Variants in CTNNA2 observed in about 807,000 individuals in gnomAD.
The protein encoded by CTNNA2 is catenin alpha 2.
Under a neutral mutation model 101.0 loss-of-function variants are expected in CTNNA2, and 42 were observed. The ratio of observed to expected loss-of-function variants is 0.42; its 90% CI spans 0.32 to 0.54. The LOEUF is 0.54. CTNNA2 is among the 20% of genes least tolerant of loss of function. The pLI, the probability that CTNNA2 is intolerant of heterozygous loss-of-function variation, is 0.14. For missense variants in CTNNA2, 871 were observed against 1,223.1 expected (o/e 0.71, Z 4.29); for synonymous variants, 450 against 456.4 (o/e 0.99, Z 0.18).
At chr2:79,490,230 G>A (rs11688509) in intron 4 of CTNNA2, among the ~76,000 whole-genome samples, 5,579 of 152,198 alleles carry the variant, frequency 0.037, 143 homozygotes, top group Non-Finnish European at 0.054. Flanking sequence ...CAGAATATAA[G>A]CTTGCATAAA....
At chr2:80,533,338 A>C (rs775776270) in intron 9 of CTNNA2, among the ~76,000 whole-genome samples, 12 of 152,170 alleles carry the variant, frequency 7.9e-5, no homozygotes, top group Non-Finnish European at 1.0e-4. Context: ...CTCCGCAAAA[A>C]AAAGAAGGCA....
At chr2:79,810,496 G>A (rs1037869054) in intron 3 of CTNNA2, among the ~76,000 whole-genome samples, 3 of 151,178 alleles carry the variant, frequency 2.0e-5, no homozygotes, top group African/African-American at 7.3e-5. Flanking sequence ...TTTTGCCATT[G>A]AATTGCCTTT....
At chr2:80,032,534 C>G (rs749468255) in intron 7 of CTNNA2, among the ~76,000 whole-genome samples, 3 of 152,128 alleles carry the variant, frequency 2.0e-5, no homozygotes, top group Non-Finnish European at 4.4e-5. Context: ...AACACACACA[C>G]ACACTCAAAA....
intron 9 of CTNNA2, among the ~76,000 whole-genome samples, chr2:80,442,635 C>T (rs977959933): frequency 1.3e-5 from 2 of 152,120 alleles, no homozygotes; most frequent in Non-Finnish European, 1.5e-5. Flanking sequence ...ATTAATATAC[C>T]GTCTCTGTCT....
chr2:79,549,426 T>G (rs1673949504), intron 1 of CTNNA2, among the ~76,000 whole-genome samples: 1 of 152,184 alleles, frequency 6.6e-6, no homozygotes, highest in African/African-American at 2.4e-5. Flanking sequence ...AAATGTGATG[T>G]TTTGCAGAAC....
intron 7 of CTNNA2, among the ~76,000 whole-genome samples, chr2:80,077,657 A>G (rs1380497776): frequency 1.3e-5 from 2 of 152,014 alleles, no homozygotes; most frequent in African/African-American, 4.8e-5. Flanking sequence ...AAACAGATGA[A>G]GCTCAACATT....
At chr2:79,582,167 T>G (rs757146086) in intron 1 of CTNNA2, among the ~76,000 whole-genome samples, 4 of 152,228 alleles carry the variant, frequency 2.6e-5, no homozygotes, top group Non-Finnish European at 5.9e-5. Flanking sequence ...GTGTGTAAAA[T>G]GGGCATTATA....
chr2:79,884,639 A>G (rs907336084), intron 6 of CTNNA2, among the ~76,000 whole-genome samples: 1 of 152,050 alleles, frequency 6.6e-6, no homozygotes, highest in Non-Finnish European at 1.5e-5. Context: ...CTGAAATGTT[A>G]CCCTGGTATA....
chr2:79,244,439 A>G (rs1238333453), intron 2 of CTNNA2, among the ~76,000 whole-genome samples: 4 of 152,238 alleles, frequency 2.6e-5, no homozygotes, highest in Admixed American at 6.5e-5. Flanking sequence ...TGTTTTTATT[A>G]TGTTTTCTGG....
intron 7 of CTNNA2, among the ~76,000 whole-genome samples, chr2:80,294,894 A>G (rs1039277558): frequency 6.6e-6 from 1 of 152,150 alleles, no homozygotes. Context: ...GAACAGACAA[A>G]TAGCTAACCT....
At chr2:80,552,748 C>A (rs1558579095) in intron 11 of CTNNA2, among the ~76,000 whole-genome samples, 11 of 151,966 alleles carry the variant, frequency 7.2e-5, no homozygotes, top group Admixed American at 6.6e-5. Context: ...ATACTGTAAG[C>A]AATTGGAATA....
intron 4 of CTNNA2, among the ~76,000 whole-genome samples, chr2:79,458,924 T>C (rs1383547426): frequency 6.6e-6 from 1 of 152,060 alleles, no homozygotes; most frequent in Non-Finnish European, 1.5e-5. Flanking sequence ...ACAGAAAAGC[T>C]TCTGCTTGGA....
At chr2:79,584,336 A>G (rs889386220) in intron 1 of CTNNA2, among the ~76,000 whole-genome samples, 2 of 152,144 alleles carry the variant, frequency 1.3e-5, no homozygotes, top group African/African-American at 4.8e-5. Context: ...AGAAGTATCC[A>G]GCCATAATTA....
rs1393282304 is a variant in CTNNA2 at position 80,393,411 on chromosome 2, A to G, written c.1137+120A>G. 9.9e-6 allele frequency: 7 copies of G among 707,592 alleles called. No homozygotes were observed. The East Asian group carries it at 1.1e-4, about 11-fold the overall frequency. 43.8% of individuals were successfully genotyped at this position (707,592 alleles called of 1,614,324 possible). ...GGTTGTTATTCTTTATAACATTTAC[A>G]TATACAAATAAAAACCCCATTTTAT... On this transcript the variant is annotated intron_variant, in intron 8 of 18. Coordinates refer to ENST00000402739, the MANE Select transcript of CTNNA2 (RefSeq NM_001282597.3).
At position 80,647,805 on chromosome 2, in the gene CTNNA2, G is replaced by C; in HGVS notation, c.2795G>C (p.Gly932Ala). Residue 932 changes from glycine (G) to alanine (A), a missense_variant, in exon 19 of 19, where the codon GGT becomes GCT. Transcript: ENST00000402739. ...GAATTCCAGACACGAGTTCGACGAG[G>C]TTCTCAGAAGAAACACATTTCGCCT... The part of the protein sequence containing the change: ...PEEFQTRVRR[G>A]SQKKHISPVQ... The C allele has an allele frequency of 6.2e-7, 1 of 1,613,582 alleles. No individual in the cohort carries two copies. The highest frequency in any genetic ancestry group is 8.5e-7 in the Non-Finnish European group (1 of 1,179,588).
intron 7 of CTNNA2, among the ~76,000 whole-genome samples, chr2:80,232,842 G>A (rs1316909769): frequency 6.6e-6 from 1 of 152,146 alleles, no homozygotes; most frequent in East Asian, 1.9e-4. Context: ...CCAAAAAGGG[G>A]TCGTGTTCAT....
intron 7 of CTNNA2, among the ~76,000 whole-genome samples, chr2:80,357,000 G>A (rs1209988418): frequency 1.3e-5 from 2 of 152,224 alleles, no homozygotes; most frequent in Non-Finnish European, 2.9e-5. Context: ...AGGTAGGAAG[G>A]TAGATAGCAG....
intron 7 of CTNNA2, among the ~76,000 whole-genome samples, chr2:80,323,315 T>A (rs529337296): frequency 4.6e-5 from 7 of 152,278 alleles, no homozygotes; most frequent in African/African-American, 1.4e-4. Flanking sequence ...TCTCCCTAGG[T>A]GGTTCTGATA....
At chr2:79,240,355 A>T (rs1674611498) in intron 2 of CTNNA2, among the ~76,000 whole-genome samples, 1 of 151,506 alleles carries the variant, frequency 6.6e-6, no homozygotes, top group South Asian at 2.1e-4. Context: ...TAGTTTTTTG[A>T]TCCTTACCTT....
Sources: allele counts gnomAD v4.1 joint callset (sites outside exome capture counted in the v4.1 genomes callset), GRCh38; gene constraint gnomAD v4.1.1; transcripts MANE v1.5; gene names NCBI Gene and HGNC (gene_info 2026-07-23, HGNC 2026-07-21).